Variants in PLD5 observed in about 807,000 individuals in gnomAD.
PLD5 encodes the protein phospholipase D family member 5, also known as inactive phospholipase D5.
PLD5 carries 36 observed loss-of-function variants against 61.1 expected under a neutral mutation model. The observed-to-expected ratio is 0.59, with a 90% CI of 0.45 to 0.78. The LOEUF is 0.78. PLD5 is among the 30% of genes least tolerant of loss of function. PLD5 has a pLI of 0.00. For synonymous variants in PLD5, 243 were observed against 242.8 expected, an observed-to-expected ratio of 1.00 and a Z score of -0.01; for missense variants, 515 against 644.4, an observed-to-expected ratio of 0.80 and a Z score of 2.17.
chr1:242,277,787 A>G (rs1448550937), intron 3 of PLD5, among the ~76,000 whole-genome samples: 1 of 151,868 alleles, frequency 6.6e-6, no homozygotes, highest in Non-Finnish European at 1.5e-5. Context: ...GTTTGAGACC[A>G]GCCTGGCCAA....
intron 2 of PLD5, among the ~76,000 whole-genome samples, chr1:242,297,227 C>T (rs893684999): frequency 2.6e-5 from 4 of 151,668 alleles, no homozygotes; most frequent in African/African-American, 9.7e-5. Context: ...GCCTGTAGTC[C>T]CAGCTATTCA....
intron 1 of PLD5, among the ~76,000 whole-genome samples, chr1:242,435,325 GCT>G (rs1665938472): frequency 6.7e-6 from 1 of 149,278 alleles, no homozygotes; most frequent in Non-Finnish European, 1.5e-5. Context: ...GTGACACTCT[GCT>G]CTCTCGTTTC....
chr1:242,247,086 C>A (rs1305279961), intron 4 of PLD5, among the ~76,000 whole-genome samples: 1 of 151,810 alleles, frequency 6.6e-6, no homozygotes, highest in South Asian at 2.1e-4. Flanking sequence ...CGGGTTCACG[C>A]CATTCTCCTG....
chr1:242,180,304 A>C (rs764725162), intron 5 of PLD5, among the ~76,000 whole-genome samples: 19 of 152,272 alleles, frequency 1.2e-4, no homozygotes, highest in Non-Finnish European at 2.5e-4. Context: ...TGCTCAATAC[A>C]TTGTAGCTTT....
chr1:242,514,103 G>A (rs556892883), intron 1 of PLD5, among the ~76,000 whole-genome samples: 1 of 152,296 alleles, frequency 6.6e-6, no homozygotes, highest in Non-Finnish European at 1.5e-5. Context: ...TTCAAATAAA[G>A]TATCTATTCA....
At chr1:242,170,117 A>G (rs1574442534) in intron 5 of PLD5, among the ~76,000 whole-genome samples, 1 of 152,040 alleles carries the variant, frequency 6.6e-6, no homozygotes, top group Non-Finnish European at 1.5e-5. Context: ...TTAGTCCTTG[A>G]CTCTCATGTA....
chr1:242,193,399 A>G lies in PLD5; in HGVS notation c.735+26589T>C, dbSNP rs138267558. ...CCGGGTTCTTGGAGTGGTGAGAGAA[A>G]AGGTGAAGATTTAGGGTGGCTTCAG... On this transcript the variant is annotated intron_variant, in intron 5 of 9. Transcript: ENST00000536534. 1.2e-3 allele frequency among the ~76,000 whole-genome samples: 184 copies of G among 152,282 alleles called. 3 individuals are homozygous for G. In the East Asian group the frequency reaches 0.032, roughly 26 times the overall value.
In PLD5 at chr1:242,524,296, C is replaced by T; in HGVS notation, c.-20G>A. 2.2e-6 allele frequency: 3 copies of T among 1,380,954 alleles called. No individual in the cohort carries two copies. Among genetic ancestry groups the T allele is most frequent in the Non-Finnish European group, 2.8e-6 (3 of 1,073,884 alleles). 85.5% of individuals were successfully genotyped at this position (1,380,954 alleles called of 1,614,324 possible). On this transcript the variant is annotated 5_prime_UTR_variant, in exon 1 of 10. Coordinates refer to ENST00000536534, the MANE Select transcript of PLD5 (RefSeq NM_001372062.1). ...CTCCATCCTGACATGACCGGGCGGC[C>T]GCCGGCGAGCAGCGGACTCGGGACG...
intron 4 of PLD5, among the ~76,000 whole-genome samples, chr1:242,232,594 G>A (rs1671378557): frequency 6.6e-6 from 1 of 151,988 alleles, no homozygotes; most frequent in Admixed American, 6.6e-5. Context: ...TTATTCATAA[G>A]CCAGGTGTGG....
intron 6 of PLD5, among the ~76,000 whole-genome samples, chr1:242,114,683 A>G (rs907303093): frequency 1.3e-5 from 2 of 152,128 alleles, no homozygotes; most frequent in African/African-American, 2.4e-5. Flanking sequence ...CGTGAGCCCT[A>G]CTGTGAACTG....
At chr1:242,456,009 C>G (rs1157345750) in intron 1 of PLD5, among the ~76,000 whole-genome samples, 1 of 152,226 alleles carries the variant, frequency 6.6e-6, no homozygotes, top group African/African-American at 2.4e-5. Flanking sequence ...CCTGTCCTTC[C>G]AGGACATTAC....
At chr1:242,133,642 C>G (rs148966902) in intron 5 of PLD5, among the ~76,000 whole-genome samples, 2 of 152,226 alleles carry the variant, frequency 1.3e-5, no homozygotes, top group African/African-American at 4.8e-5. Flanking sequence ...TTTCTTCCTC[C>G]CTTTCACTGT....
rs761097854 is a variant in PLD5 at position 242,494,863 on chromosome 1, A to AT, written c.189+29224dup. Among the ~76,000 whole-genome samples, 6 of 109,346 alleles carry AT rather than the reference A, an allele frequency of 5.5e-5. No individual in the cohort carries two copies. The East Asian group carries it at 9.3e-4, about 17-fold the overall frequency. 71.7% of individuals were successfully genotyped at this position (109,346 alleles called of 152,430 possible). Reference sequence around the variant, plus strand: ...TGAAAATTGGCTGACACAACCCCCAATTTTTTTTTCTTTTCTGTTTTTTTT... The same window carrying AT: ...TGAAAATTGGCTGACACAACCCCCAATTTTTTTTTTCTTTTCTGTTTTTTTT... On this transcript the variant is annotated intron_variant, in intron 1 of 9. Coordinates refer to ENST00000536534, the MANE Select transcript of PLD5 (RefSeq NM_001372062.1).
At chr1:242,474,175 G>T (rs1667520534) in intron 1 of PLD5, among the ~76,000 whole-genome samples, 1 of 152,186 alleles carries the variant, frequency 6.6e-6, no homozygotes, top group Non-Finnish European at 1.5e-5. Flanking sequence ...GCCATTACTT[G>T]CAATGGCAAA....
chr1:242,426,037 GT>G lies in PLD5; in HGVS notation c.190-77796del, dbSNP rs541524083. Among the ~76,000 whole-genome samples the G allele has an allele frequency of 1.2e-4, 18 of 152,126 alleles. 1 individual carries two copies. In the South Asian group the frequency reaches 3.7e-3, roughly 32 times the overall value. On this transcript the variant is annotated intron_variant, in intron 1 of 9. Coordinates refer to ENST00000536534, the MANE Select transcript of PLD5 (RefSeq NM_001372062.1). ...GCTTAAAATACAAACACATTGTACT[GT>G]TGTACAAAAATATTTTCCTTCTTTG...
intron 1 of PLD5, among the ~76,000 whole-genome samples, chr1:242,502,271 G>T (rs189709256): frequency 6.6e-6 from 1 of 152,008 alleles, no homozygotes; most frequent in South Asian, 2.1e-4. Flanking sequence ...TTACAATGTC[G>T]ATGGCCACCG....
chr1:242,333,931 G>A (rs1421528730), intron 2 of PLD5, among the ~76,000 whole-genome samples: 4 of 151,976 alleles, frequency 2.6e-5, no homozygotes, highest in East Asian at 1.9e-4. Context: ...GCATATCTTC[G>A]CTACTGTGAA....
intron 5 of PLD5, among the ~76,000 whole-genome samples, chr1:242,204,866 A>C (rs1433120658): frequency 2.0e-5 from 3 of 152,198 alleles, no homozygotes; most frequent in African/African-American, 7.2e-5. Flanking sequence ...CTGCCAAACA[A>C]AGAGCTTAGT....
At chr1:242,320,746 C>A (rs2258749) in intron 2 of PLD5, among the ~76,000 whole-genome samples, 7 of 152,080 alleles carry the variant, frequency 4.6e-5, no homozygotes, top group African/African-American at 1.5e-4. Context: ...GGGAGTTCTC[C>A]TCCCTGGCAT....
Sources: gnomAD v4.1 joint callset for allele counts (sites outside exome capture counted in the v4.1 genomes callset) on GRCh38, gnomAD v4.1.1 for gene constraint, MANE v1.5 for transcripts, NCBI Gene and HGNC (gene_info 2026-07-23, HGNC 2026-07-21) for gene names.